The following SYNE2 variants were observed in gnomAD, a reference collection of about 807,000 sequenced individuals.
SYNE2 encodes nesprin-2.
Under a neutral mutation model 856.3 loss-of-function variants are expected in SYNE2, and 431 were observed. The observed-to-expected ratio is 0.50, with a 90% CI of 0.47 to 0.55. The LOEUF is 0.55. Among genes scored for constraint, SYNE2 ranks in the 20% least tolerant of loss-of-function variants. The pLI is 0.00. For missense variants in SYNE2, 8,129 were observed against 8,023.2 expected (o/e 1.01, Z -0.50); for synonymous variants, 2,923 against 2,872.3 (o/e 1.02, Z -0.56).
intron 1 of SYNE2, among the ~76,000 whole-genome samples, chr14:63,869,566 GC>G (rs1172662225): frequency 1.4e-5 from 2 of 145,414 alleles, no homozygotes; most frequent in Non-Finnish European, 3.0e-5. Context: ...GGGGAAGGGG[GC>G]AGAGGTTGCA....
At chr14:64,098,534 A>G (rs2097695634) in intron 62 of SYNE2, 2 of 619,708 alleles carry the variant, frequency 3.2e-6, no homozygotes, top group Non-Finnish European at 5.7e-6. Flanking sequence ...GAAGGGGCAC[A>G]GGGGGCCATG....
At chr14:63,814,661 TATATATCC>T (rs1888779836) in intron 1 of SYNE2, among the ~76,000 whole-genome samples, 5 of 57,576 alleles carry the variant, frequency 8.7e-5, no homozygotes, top group African/African-American at 2.7e-4. Flanking sequence ...ATAATCCTTA[TATATATCC>T]ATATATATCC....
chr14:63,895,326 G>A (rs2095229309), intron 1 of SYNE2, among the ~76,000 whole-genome samples: 1 of 151,406 alleles, frequency 6.6e-6, no homozygotes. Flanking sequence ...GGCCAGGCTG[G>A]TCTTGAACTC....
At chr14:63,951,220 G>A (rs1022451909) in intron 7 of SYNE2, among the ~76,000 whole-genome samples, 5 of 152,112 alleles carry the variant, frequency 3.3e-5, no homozygotes, top group Admixed American at 1.3e-4. Flanking sequence ...ATGTTGCTAA[G>A]CCCTTTCAAA....
intron 41 of SYNE2, 82 bp from the exon 42 acceptor site, chr14:64,026,497 T>G: frequency 4.5e-6 from 5 of 1,122,234 alleles, no homozygotes; most frequent in Admixed American, 3.8e-5. Context: ...AATCTCTATA[T>G]AAAGCTTACA....
chr14:64,038,060 G>C (rs2097111705), intron 45 of SYNE2, among the ~76,000 whole-genome samples: 1 of 151,714 alleles, frequency 6.6e-6, no homozygotes, highest in Non-Finnish European at 1.5e-5. Context: ...CAGTTGCCAG[G>C]CGGAGGGTCT....
intron 53 of SYNE2, among the ~76,000 whole-genome samples, chr14:64,074,577 A>G (rs1290236978): frequency 6.6e-6 from 1 of 152,142 alleles, no homozygotes; most frequent in East Asian, 1.9e-4. Context: ...TGACAGCCCA[A>G]AAGTATGTTT....
chr14:64,132,322 A>T lies in SYNE2; in HGVS notation c.14398A>T (p.Ile4800Leu), dbSNP rs1375631313. ...MLLIQAYSAK[I>L]LPSLLQNRET... The stretch of plus-strand genomic sequence containing the variant: ...GTTGATCCAAGCATACTCTGCCAAA[A>T]TACTTCCTTCTTTATTGCAAAACAG... The change falls in exon 77 of 116, where the codon ATA becomes TTA. Residue 4800 changes from isoleucine to leucine, a missense_variant. Transcript: ENST00000555002. The T allele has an allele frequency of 6.2e-7, 1 of 1,614,190 alleles. No homozygotes were observed. The highest frequency in any genetic ancestry group is 1.7e-5 in the Admixed American group (1 of 60,028).
rs536122893 is a variant in SYNE2 at position 64,040,037 on chromosome 14, A to C, written c.7222-7963A>C. 1.1e-4 allele frequency among the ~76,000 whole-genome samples: 17 copies of C among 152,298 alleles called. No individual in the cohort carries two copies. In the Middle Eastern group the frequency reaches 0.024, roughly 213 times the overall value. ...TTAAGCAGGTTTTGAGTCTAAATTT[A>C]TACTAATTGCATTGTGGAGCAGGTC... On this transcript the variant is annotated intron_variant, in intron 45 of 115. Transcript: ENST00000555002.
rs540166872 is a variant in SYNE2, at chr14:64,078,117, C to A, written c.11023-349C>A. Among the ~76,000 whole-genome samples, 3 of 152,206 alleles carry A rather than the reference C, an allele frequency of 2.0e-5. No individual in the cohort carries two copies. The South Asian group carries it at 6.2e-4, about 32-fold the overall frequency. ...AAAAATAATTTATCCCCCAGGAATT[C>A]ATTTATATCATTTGATCCATATGGA... On this transcript the variant is annotated intron_variant, in intron 54 of 115. Coordinates refer to ENST00000555002, the MANE Select transcript of SYNE2 (RefSeq NM_182914.3).
chr14:64,133,598 A>G (rs2098049327), intron 77 of SYNE2, among the ~76,000 whole-genome samples: 1 of 152,090 alleles, frequency 6.6e-6, no homozygotes, highest in South Asian at 2.1e-4. Flanking sequence ...CCTTGAGCAG[A>G]CCTATGCTGC....
chr14:64,126,526 C>A lies in SYNE2; in HGVS notation c.13707+47C>A, dbSNP rs200827784. ...CATGTGTTGGCCATTACAGCAGCCC[C>A]GTGAGTTAAGCCCACGTGGAAGCCT... is the stretch of plus-strand genomic sequence containing the variant. On this transcript the variant is annotated intron_variant, in intron 72 of 115. Transcript: ENST00000555002. The A allele has an allele frequency of 9.3e-6, 15 of 1,613,978 alleles. No individual in the cohort carries two copies. In the African/African-American group the frequency reaches 2.0e-4, roughly 22 times the overall value.
Position 63,974,892 on chromosome 14 carries a change from GTATATATATATA to G in SYNE2, c.1129-1657_1129-1646del, listed in dbSNP as rs145247655. ...TGTGTGTGTGTGTGTGTGTGTGTGT[GTATATATATATA>G]TATATATATATATGTATCTTGAGAC... On this transcript the variant is annotated intron_variant, in intron 11 of 115. Transcript: ENST00000555002. 2.1e-3 allele frequency among the ~76,000 whole-genome samples: 140 copies of G among 67,334 alleles called. 2 individuals are homozygous for G. Among genetic ancestry groups the G allele is most frequent in the African/African-American group, 4.8e-3 (108 of 22,380 alleles). The allele number at this position is 67,334 out of a possible 152,430, so 44.2% of individuals were successfully genotyped here.
chr14:64,215,495 A>G (rs949358598), intron 107 of SYNE2, 141 bp downstream of exon 107: 25 of 858,428 alleles, frequency 2.9e-5, no homozygotes, highest in Non-Finnish European at 4.9e-5. Flanking sequence ...GTGTATTTAC[A>G]CTGCCGTACT....
chr14:64,175,276 T>C, intron 95 of SYNE2, 138 bp downstream of exon 95: 2 of 912,542 alleles, frequency 2.2e-6, no homozygotes, highest in Non-Finnish European at 3.4e-6. Flanking sequence ...CTGTAAGTCA[T>C]GCCAGTTACT....
chr14:63,890,160 T>C (rs1373529392), intron 1 of SYNE2, among the ~76,000 whole-genome samples: 1 of 150,930 alleles, frequency 6.6e-6, no homozygotes, highest in African/African-American at 2.4e-5. Context: ...TGCTGTGCTC[T>C]GGGGTGATCC....
intron 11 of SYNE2, among the ~76,000 whole-genome samples, chr14:63,969,866 G>A (rs992873664): frequency 6.6e-6 from 1 of 152,062 alleles, no homozygotes; most frequent in African/African-American, 2.4e-5. Context: ...AAATCTGTGG[G>A]AATCTGTCTT....
chr14:63,891,658 C>T (rs2095134969), intron 1 of SYNE2, among the ~76,000 whole-genome samples: 1 of 151,852 alleles, frequency 6.6e-6, no homozygotes, highest in African/African-American at 2.4e-5. Flanking sequence ...GACATTCTGG[C>T]CCCCTTTACA....
chr14:64,216,096 A>AT (rs1278246579), intron 107 of SYNE2, 152 bp from the exon 108 acceptor site: 15 of 1,529,900 alleles, frequency 9.8e-6, no homozygotes, highest in Non-Finnish European at 1.3e-5. Context: ...GACTCATCTC[A>AT]TTCTCTTCTG....
Sources: allele counts gnomAD v4.1 joint callset (sites outside exome capture counted in the v4.1 genomes callset), GRCh38; gene constraint gnomAD v4.1.1; transcripts MANE v1.5; gene names NCBI Gene and HGNC (gene_info 2026-07-23, HGNC 2026-07-21).